Variants in SLC19A3 observed in about 807,000 individuals in gnomAD.
SLC19A3 encodes solute carrier family 19 member 3.
Under a neutral mutation model 40.2 loss-of-function variants are expected in SLC19A3, and 31 were observed. The observed-to-expected ratio is 0.77, with a 90% CI of 0.58 to 1.04. The LOEUF is 1.04. SLC19A3 is among the 50% of genes least tolerant of loss of function. The pLI is 0.00. For missense variants in SLC19A3, 592 were observed against 596.7 expected (o/e 0.99, Z 0.08); for synonymous variants, 212 against 227.5 (o/e 0.93, Z 0.61).
At chr2:227,687,611 G>C (rs1695067504) in intron 5 of SLC19A3, 38 bp from the exon 6 acceptor site, 1 of 1,596,182 alleles carries the variant, frequency 6.3e-7, no homozygotes, top group Non-Finnish European at 8.6e-7. Flanking sequence ...TATAAAATAT[G>C]ACCATCTATG....
chr2:227,700,905 G>A (rs1295422936), intron 2 of SLC19A3: 9 of 1,295,676 alleles, frequency 6.9e-6, no homozygotes, highest in Admixed American at 6.9e-5. Flanking sequence ...ATCACTGAAC[G>A]TACCCACCTT....
At chr2:227,704,039 G>A (rs762319927) in intron 1 of SLC19A3, among the ~76,000 whole-genome samples, 10 of 152,180 alleles carry the variant, frequency 6.6e-5, no homozygotes, top group African/African-American at 1.4e-4. Context: ...AGGGCAGGGC[G>A]TATTGCCTGG....
chr2:227,714,579 T>C (rs955230183), intron 1 of SLC19A3: 16 of 984,844 alleles, frequency 1.6e-5, no homozygotes, highest in Non-Finnish European at 1.7e-5. Flanking sequence ...GAGTCTCTTG[T>C]CCTCCTCCTT....
intron 1 of SLC19A3, among the ~76,000 whole-genome samples, chr2:227,709,447 G>A (rs780226390): frequency 1.6e-4 from 25 of 152,266 alleles, no homozygotes; most frequent in African/African-American, 4.8e-4. Flanking sequence ...TTGAGCAAAT[G>A]CACTCCAGCC....
chr2:227,715,540 G>A (rs1696305557), intron 1 of SLC19A3, among the ~76,000 whole-genome samples: 1 of 152,158 alleles, frequency 6.6e-6, no homozygotes, highest in African/African-American at 2.4e-5. Context: ...TGATCTTTAA[G>A]ATGCTTCAGA....
chr2:227,691,273 T>C (rs1000788130), intron 4 of SLC19A3, among the ~76,000 whole-genome samples: 2 of 151,876 alleles, frequency 1.3e-5, no homozygotes, highest in African/African-American at 4.8e-5. Flanking sequence ...GTGAAAGCAG[T>C]ATTAAGAGGG....
At chr2:227,707,543 A>T (rs1403521265) in intron 1 of SLC19A3, among the ~76,000 whole-genome samples, 1 of 152,160 alleles carries the variant, frequency 6.6e-6, no homozygotes, top group Non-Finnish European at 1.5e-5. Flanking sequence ...AGATGGTGCC[A>T]CTGCACTCCA....
rs536282437 is a variant in SLC19A3, at chr2:227,686,077, G to A, written c.*1320C>T. The stretch of plus-strand genomic sequence containing the variant: ...CCAGGCGTGGTGGTGTGCACCCATA[G>A]TCCCAGCTACTTGGGAGGCTGAGGT... On this transcript the variant is annotated 3_prime_UTR_variant, in exon 6 of 6. Transcript: ENST00000644224. The A allele has an allele frequency of 1.1e-3, 474 of 435,680 alleles. No homozygotes were observed. The highest frequency in any genetic ancestry group is 1.8e-3 in the Non-Finnish European group (387 of 217,598). 27.0% of individuals were successfully genotyped at this position (435,680 alleles called of 1,614,324 possible).
In SLC19A3 at chr2:227,684,276, G is replaced by A. The variant is rs137927700; in HGVS notation, c.*3121C>T. The A allele has an allele frequency of 7.9e-5, 12 of 152,172 alleles. No homozygotes were observed. The East Asian group carries it at 1.9e-3, about 25-fold the overall frequency. The allele number at this position is 152,172 out of a possible 1,614,324, so 9.4% of individuals were successfully genotyped here. ...TAAAGATCTTCCTCATTTTTTAGCA[G>A]TTAATTTTGTTATAGGTGAATATGT... On this transcript the variant is annotated 3_prime_UTR_variant, in exon 6 of 6. Transcript: ENST00000644224.
intron 1 of SLC19A3, among the ~76,000 whole-genome samples, chr2:227,704,500 T>C (rs1419307537): frequency 6.6e-6 from 1 of 152,156 alleles, no homozygotes; most frequent in Non-Finnish European, 1.5e-5. Context: ...GATGGGGAAA[T>C]GGAGGACTAA....
chr2:227,696,162 G>A lies in SLC19A3; in HGVS notation c.980-81C>T, dbSNP rs116253658. 573 of 1,334,290 alleles carry A rather than the reference G, an allele frequency of 4.3e-4. No homozygotes were observed. The African/African-American group carries it at 7.5e-3, about 18-fold the overall frequency. The allele number at this position is 1,334,290 out of a possible 1,614,324, so 82.7% of individuals were successfully genotyped here. A position where few individuals can be genotyped will look rare whatever the true frequency, so the allele number is the denominator to read the frequency against. On this transcript the variant is annotated intron_variant, in intron 3 of 5. Coordinates refer to ENST00000644224, the MANE Select transcript of SLC19A3 (RefSeq NM_025243.4). ...TCAACACCCTCTCTTAAAAACCCAGGTCTCGGGTAATTCTGAAAGATAAAT... is the reference window on the plus strand; with the variant it reads ...TCAACACCCTCTCTTAAAAACCCAGATCTCGGGTAATTCTGAAAGATAAAT...
rs148144444 is a variant in SLC19A3 at position 227,699,294 on chromosome 2, C to T, written c.421G>A (p.Gly141Ser). The T allele has an allele frequency of 3.9e-3, 6,308 of 1,614,090 alleles. 28 individuals carry two copies. The highest frequency in any genetic ancestry group is 4.0e-3 in the Non-Finnish European group (4,673 of 1,180,016). The change falls in exon 3 of 6, where the codon GGC becomes AGC. Residue 141 changes from glycine (G) to serine (S), a missense_variant. Transcript: ENST00000644224. ...GCCAGCGTGACGCTCCTGCAGTAGC[C>T]GCTCACTCTCTGGTAGTGCTCGGGG... is the stretch of plus-strand genomic sequence containing the variant. ...VSPEHYQRVS[G>S]YCRSVTLAAY...
intron 1 of SLC19A3, among the ~76,000 whole-genome samples, chr2:227,705,447 A>G (rs200439386): frequency 0.13 from 20,321 of 151,370 alleles, 1,500 homozygotes; most frequent in Middle Eastern, 0.2. Context: ...AAAAAAAAAA[A>G]AAAGGTATAC....
At position 227,696,096 on chromosome 2, in the gene SLC19A3, T is replaced by C. The variant is rs748786993; in HGVS notation, c.980-15A>G. 1.9e-6 allele frequency: 3 copies of C among 1,612,268 alleles called. No individual in the cohort carries two copies. Among genetic ancestry groups the C allele is most frequent in the East Asian group, 2.2e-5 (1 of 44,816 alleles). On this transcript the variant is annotated splice_polypyrimidine_tract_variant and intron_variant, in intron 3 of 5. Coordinates refer to ENST00000644224, the MANE Select transcript of SLC19A3 (RefSeq NM_025243.4). ...AGCCACAGCCCCTGAAAAAAAACATTGAAGGCAATCAAACATAATGACTTT... is the reference window on the plus strand; with the variant it reads ...AGCCACAGCCCCTGAAAAAAAACATCGAAGGCAATCAAACATAATGACTTT...
At chr2:227,709,694 G>A (rs1396830783) in intron 1 of SLC19A3, among the ~76,000 whole-genome samples, 1 of 152,116 alleles carries the variant, frequency 6.6e-6, no homozygotes, top group African/African-American at 2.4e-5. Context: ...GTGACCTGAT[G>A]AAAGCAAGTA....
intron 1 of SLC19A3, among the ~76,000 whole-genome samples, chr2:227,708,020 C>T (rs982330312): frequency 1.3e-5 from 2 of 152,174 alleles, no homozygotes; most frequent in African/African-American, 4.8e-5. Context: ...TGAGCCACCG[C>T]GCCCAGCCTG....
chr2:227,717,845 C>T, intron 1 of SLC19A3, 98 bp downstream of exon 1: 2 of 919,698 alleles, frequency 2.2e-6, no homozygotes, highest in Non-Finnish European at 2.6e-6. Flanking sequence ...CAGGAACCCG[C>T]CCCCAGCTCT....
chr2:227,710,652 C>G (rs1277735021), intron 1 of SLC19A3, among the ~76,000 whole-genome samples: 1 of 152,088 alleles, frequency 6.6e-6, no homozygotes, highest in African/African-American at 2.4e-5. Context: ...CTCCTTCCCC[C>G]CCAGTTTTTA....
intron 1 of SLC19A3, among the ~76,000 whole-genome samples, chr2:227,707,466 C>T (rs1247535253): frequency 2.0e-5 from 3 of 151,876 alleles, no homozygotes; most frequent in Admixed American, 6.6e-5. Flanking sequence ...ACCTGTAATC[C>T]CAGCTACCTG....
Sources: gnomAD v4.1 joint callset for allele counts (sites outside exome capture counted in the v4.1 genomes callset) on GRCh38, gnomAD v4.1.1 for gene constraint, MANE v1.5 for transcripts, NCBI Gene and HGNC (gene_info 2026-07-23, HGNC 2026-07-21) for gene names.